GRIK4: variants seen among roughly 807,000 people sequenced by gnomAD.
GRIK4 encodes glutamate receptor ionotropic, kainate 4.
In GRIK4, 40 loss-of-function variants were observed where a neutral mutation model predicts 104.9. The ratio of observed to expected loss-of-function variants is 0.38; its 90% CI spans 0.30 to 0.50. The LOEUF (loss-of-function observed/expected upper bound fraction) is 0.50, where lower values mean the gene tolerates loss of function less well. Among genes scored for constraint, GRIK4 ranks in the 20% least tolerant of loss-of-function variants. The pLI is 0.93. For missense variants in GRIK4, 1,047 were observed against 1,308.1 expected, an observed-to-expected ratio of 0.80 and a Z score of 3.08; for synonymous variants, 485 against 524.9, an observed-to-expected ratio of 0.92 and a Z score of 1.04.
chr11:120,675,527 G>A (rs1950086493), intron 3 of GRIK4, among the ~76,000 whole-genome samples: 1 of 152,146 alleles, frequency 6.6e-6, no homozygotes, highest in Non-Finnish European at 1.5e-5. Context: ...AGGTGAAGTA[G>A]CATGCACAGT....
intron 1 of GRIK4, among the ~76,000 whole-genome samples, chr11:120,551,234 G>A (rs891845769): frequency 6.6e-6 from 1 of 152,092 alleles, no homozygotes; most frequent in East Asian, 1.9e-4. Flanking sequence ...TTTCATCCCC[G>A]GTCCCTGGCT....
At chr11:120,527,342 A>G (rs1204386469) in intron 1 of GRIK4, among the ~76,000 whole-genome samples, 1 of 152,140 alleles carries the variant, frequency 6.6e-6, no homozygotes, top group Admixed American at 6.5e-5. Context: ...CGGGAGCTGG[A>G]CAGCATCTGT....
At chr11:120,713,073 T>A (rs1950766300) in intron 3 of GRIK4, among the ~76,000 whole-genome samples, 1 of 152,192 alleles carries the variant, frequency 6.6e-6, no homozygotes, top group Admixed American at 6.5e-5. Context: ...AAGGTTGCAC[T>A]TTTTTATAAG....
At chr11:120,920,236 G>A (rs758071260) in intron 13 of GRIK4, among the ~76,000 whole-genome samples, 6 of 152,148 alleles carry the variant, frequency 3.9e-5, no homozygotes, top group Admixed American at 6.5e-5. Context: ...AGAAATAAAT[G>A]GAATATAATT....
rs769447419 is a variant in GRIK4, at chr11:120,648,539, A to G, written c.-158-5146A>G. The stretch of plus-strand genomic sequence containing the variant: ...TTGGAGGAGTGCAGGTCTTGGGGTG[A>G]ACTCCCAGGCTCAGCACTGAGCTCC... On this transcript the variant is annotated intron_variant, in intron 1 of 20. Transcript: ENST00000527524. Among the ~76,000 whole-genome samples, 64 of 152,108 alleles carry G rather than the reference A, an allele frequency of 4.2e-4. 1 individual carries two copies. Among genetic ancestry groups the G allele is most frequent in the Non-Finnish European group, 1.6e-4 (11 of 68,020 alleles).
At chr11:120,978,031 A>T (rs1944589814) in intron 19 of GRIK4, among the ~76,000 whole-genome samples, 1 of 152,232 alleles carries the variant, frequency 6.6e-6, no homozygotes, top group African/African-American at 2.4e-5. Context: ...AAATTTAATT[A>T]AAAAGGAATA....
intron 9 of GRIK4, chr11:120,871,214 G>A (rs1247672409): frequency 1.2e-5 from 2 of 173,222 alleles, no homozygotes; most frequent in East Asian, 3.1e-4. Context: ...TTTCAGTTGG[G>A]GCAGCTAACT....
At chr11:120,796,746 G>T (rs982915441) in intron 3 of GRIK4, among the ~76,000 whole-genome samples, 1 of 152,036 alleles carries the variant, frequency 6.6e-6, no homozygotes, top group Non-Finnish European at 1.5e-5. Flanking sequence ...GGACAGAAGG[G>T]GCCTGAGGCC....
At chr11:120,579,092 T>G (rs770175901) in intron 1 of GRIK4, among the ~76,000 whole-genome samples, 1 of 152,178 alleles carries the variant, frequency 6.6e-6, no homozygotes, top group Non-Finnish European at 1.5e-5. Context: ...GTGGCATTTA[T>G]TGAGCATCCA....
chr11:120,669,277 C>G (rs1414375025), intron 3 of GRIK4, among the ~76,000 whole-genome samples: 2 of 152,152 alleles, frequency 1.3e-5, no homozygotes, highest in Non-Finnish European at 2.9e-5. Flanking sequence ...TAAGAGCATC[C>G]TGAGGAGAGA....
chr11:120,830,132 C>T (rs1322444771), intron 6 of GRIK4, among the ~76,000 whole-genome samples: 2 of 151,562 alleles, frequency 1.3e-5, no homozygotes, highest in African/African-American at 4.9e-5. Context: ...CCAGAGCTGT[C>T]TCTATCAGGC....
chr11:120,581,467 G>A (rs770325150), intron 1 of GRIK4, among the ~76,000 whole-genome samples: 2 of 152,154 alleles, frequency 1.3e-5, no homozygotes, highest in African/African-American at 4.8e-5. Flanking sequence ...GTACAGTTCA[G>A]CAGTGTTAAG....
chr11:120,585,030 T>C (rs928668896), intron 1 of GRIK4, among the ~76,000 whole-genome samples: 1 of 152,214 alleles, frequency 6.6e-6, no homozygotes, highest in Non-Finnish European at 1.5e-5. Context: ...TCTTTTTTTG[T>C]TGTGTCTGTG....
intron 3 of GRIK4, among the ~76,000 whole-genome samples, chr11:120,685,267 AAG>A (rs1950257839): frequency 6.6e-6 from 1 of 152,214 alleles, no homozygotes; most frequent in Non-Finnish European, 1.5e-5. Flanking sequence ...GACATCACCT[AAG>A]AGAGTGTGAA....
intron 3 of GRIK4, among the ~76,000 whole-genome samples, chr11:120,744,316 G>A (rs551793649): frequency 1.3e-5 from 2 of 152,160 alleles, no homozygotes; most frequent in South Asian, 4.2e-4. Flanking sequence ...TTTTCCCCCC[G>A]GGCCTGGACG....
At chr11:120,642,125 A>G (rs771767496) in intron 1 of GRIK4, among the ~76,000 whole-genome samples, 8 of 152,186 alleles carry the variant, frequency 5.3e-5, no homozygotes, top group Non-Finnish European at 1.0e-4. Flanking sequence ...GCACACAGCT[A>G]TGTCCCCAGT....
intron 1 of GRIK4, among the ~76,000 whole-genome samples, chr11:120,653,338 T>C (rs755991018): frequency 8.5e-5 from 13 of 152,134 alleles, no homozygotes; most frequent in Non-Finnish European, 1.9e-4. Context: ...TTTCCCCTTA[T>C]GGGAAAAGAG....
chr11:120,634,325 C>A (rs1031684470), intron 1 of GRIK4, among the ~76,000 whole-genome samples: 1 of 152,134 alleles, frequency 6.6e-6, no homozygotes, highest in Non-Finnish European at 1.5e-5. Context: ...CAGGGCTATG[C>A]CTGAAGTTCT....
chr11:120,816,758 G>A (rs1454401480), intron 5 of GRIK4, among the ~76,000 whole-genome samples: 2 of 152,108 alleles, frequency 1.3e-5, no homozygotes, highest in African/African-American at 4.8e-5. Context: ...TAAGTGCCGC[G>A]ATCCTAGTCC....
Sources: gnomAD v4.1 joint callset for allele counts (sites outside exome capture counted in the v4.1 genomes callset) on GRCh38, gnomAD v4.1.1 for gene constraint, MANE v1.5 for transcripts, NCBI Gene and HGNC (gene_info 2026-07-23, HGNC 2026-07-21) for gene names.